The following AK9 variants were observed in gnomAD, a reference collection of about 807,000 sequenced individuals.
The protein encoded by AK9 is adenylate kinase domain containing 1.
Under a neutral mutation model 239.6 loss-of-function variants are expected in AK9, and 191 were observed. The observed-to-expected ratio is 0.80, with a 90% confidence interval of 0.71 to 0.90. The LOEUF (loss-of-function observed/expected upper bound fraction) is 0.90, where lower values mean the gene tolerates loss of function less well. AK9 is among the 40% of genes least tolerant of loss of function. The pLI, the probability that AK9 is intolerant of heterozygous loss-of-function variation, is 0.00. For synonymous variants in AK9, 689 were observed against 721.0 expected (o/e 0.96, Z 0.71); for missense variants, 1,995 against 2,214.7 (o/e 0.90, Z 1.99).
chr6:109,681,851 T>C (rs1772685055), intron 1 of AK9, among the ~76,000 whole-genome samples: 1 of 151,992 alleles, frequency 6.6e-6, no homozygotes, highest in Non-Finnish European at 1.5e-5. Context: ...GGGTAAATAA[T>C]GAAATTAAGG....
chr6:109,594,753 A>T (rs990403716), intron 17 of AK9, among the ~76,000 whole-genome samples: 1 of 152,324 alleles, frequency 6.6e-6, no homozygotes, highest in African/African-American at 2.4e-5. Flanking sequence ...AAAACAAGCA[A>T]TGGGGAAAGG....
chr6:109,567,525 T>C (rs1303749093), intron 21 of AK9, among the ~76,000 whole-genome samples: 1 of 152,082 alleles, frequency 6.6e-6, no homozygotes, highest in Non-Finnish European at 1.5e-5. Context: ...GTACCATTCC[T>C]TATGAAACTA....
At chr6:109,612,187 G>T (rs1385487533) in intron 15 of AK9, 94 bp from the exon 16 acceptor site, 1 of 727,936 alleles carries the variant, frequency 1.4e-6, no homozygotes, top group Non-Finnish European at 2.2e-6. Context: ...TAGGGAACCA[G>T]GACTCACATT....
chr6:109,566,925 A>C (rs1051672266), intron 21 of AK9, among the ~76,000 whole-genome samples: 2 of 152,220 alleles, frequency 1.3e-5, no homozygotes, highest in African/African-American at 4.8e-5. Flanking sequence ...GACACATTTA[A>C]AGCAGTGTGT....
At chr6:109,640,609 G>A (rs1797297377) in intron 10 of AK9, among the ~76,000 whole-genome samples, 1 of 151,536 alleles carries the variant, frequency 6.6e-6, no homozygotes. Context: ...TGTAGGGCCA[G>A]AGTCTCGCTA....
At chr6:109,592,490 A>T (rs931035558) in intron 17 of AK9, among the ~76,000 whole-genome samples, 6 of 131,064 alleles carry the variant, frequency 4.6e-5, no homozygotes, top group African/African-American at 1.7e-4. Flanking sequence ...TCTTTCACCC[A>T]GGCTGGACTG....
intron 5 of AK9, among the ~76,000 whole-genome samples, chr6:109,668,539 T>C (rs1801593620): frequency 6.6e-6 from 1 of 150,482 alleles, no homozygotes; most frequent in South Asian, 2.2e-4. Context: ...AGGTCTAACA[T>C]TTAAGTCTTT....
At chr6:109,612,928 T>C (rs941695359) in intron 15 of AK9, among the ~76,000 whole-genome samples, 5 of 149,346 alleles carry the variant, frequency 3.3e-5, no homozygotes, top group African/African-American at 4.9e-5. Context: ...AATTTATGTA[T>C]ATAAAGCTAT....
chr6:109,513,484 T>C (rs1038735051), intron 32 of AK9, among the ~76,000 whole-genome samples: 2 of 152,244 alleles, frequency 1.3e-5, no homozygotes, highest in Non-Finnish European at 2.9e-5. Flanking sequence ...TCTAAAACAA[T>C]TTGATTCTGG....
intron 25 of AK9, among the ~76,000 whole-genome samples, chr6:109,547,277 G>A (rs138550135): frequency 6.9e-4 from 105 of 152,286 alleles, no homozygotes; most frequent in African/African-American, 2.4e-3. Flanking sequence ...TTTTAAGAAG[G>A]CATTGATATT....
intron 12 of AK9, among the ~76,000 whole-genome samples, chr6:109,624,198 C>T (rs1482422964): frequency 6.6e-6 from 1 of 152,064 alleles, no homozygotes; most frequent in Non-Finnish European, 1.5e-5. Flanking sequence ...TGTTCTCCTA[C>T]CCCAAACTGG....
intron 17 of AK9, among the ~76,000 whole-genome samples, chr6:109,600,209 T>C (rs1583196137): frequency 6.6e-6 from 1 of 152,172 alleles, no homozygotes; most frequent in South Asian, 2.1e-4. Flanking sequence ...ATATTGGCTG[T>C]GGGTTTGTCA....
intron 17 of AK9, among the ~76,000 whole-genome samples, chr6:109,610,057 T>C (rs1793388700): frequency 6.6e-6 from 1 of 152,222 alleles, no homozygotes; most frequent in Admixed American, 6.5e-5. Flanking sequence ...TGGTACCTAG[T>C]ACCAATATGC....
chr6:109,578,195 A>G (rs910915127), intron 20 of AK9, among the ~76,000 whole-genome samples: 2 of 152,096 alleles, frequency 1.3e-5, no homozygotes, highest in South Asian at 2.1e-4. Flanking sequence ...TCAGCCTCCC[A>G]AAGTGCGGGA....
At chr6:109,537,857 T>A (rs990322433) in intron 27 of AK9, among the ~76,000 whole-genome samples, 5 of 152,224 alleles carry the variant, frequency 3.3e-5, no homozygotes, top group African/African-American at 1.2e-4. Context: ...TTCATTTTGT[T>A]ATGTACCCAG....
intron 1 of AK9, among the ~76,000 whole-genome samples, chr6:109,687,046 C>T (rs1408837389): frequency 6.6e-6 from 1 of 152,176 alleles, no homozygotes; most frequent in Non-Finnish European, 1.5e-5. Context: ...AAAATGAAAA[C>T]AAAATTCATG....
At chr6:109,559,072 G>A (rs1277295500) in intron 24 of AK9, among the ~76,000 whole-genome samples, 1 of 151,598 alleles carries the variant, frequency 6.6e-6, no homozygotes, top group Non-Finnish European at 1.5e-5. Flanking sequence ...AAGCTGCCTC[G>A]AACTCCTGAC....
At chr6:109,571,554 G>A (rs2128194162) in intron 21 of AK9, among the ~76,000 whole-genome samples, 1 of 152,170 alleles carries the variant, frequency 6.6e-6, no homozygotes, top group African/African-American at 2.4e-5. Flanking sequence ...ATTGCCTTTT[G>A]TTGTCAGATC....
rs1235471783 is a variant in AK9, at chr6:109,632,995, T to C, written c.1182A>G (p.Val394=). 6.2e-7 allele frequency: 1 copy of C among 1,610,504 alleles called. No individual in the cohort carries two copies. Among genetic ancestry groups the C allele is most frequent in the African/African-American group, 1.3e-5 (1 of 74,756 alleles). Residue 394 remains valine (V), a synonymous_variant, in exon 12 of 41, where the codon GTA becomes GTG. Transcript: ENST00000424296. ...LPPMPGPPCK[V]FILGPQYSGK... is the part of the protein sequence containing the mutation. ...CTGAATATTGAGGTCCAAGTATGAA[T>C]ACTTTACATGGTGGTCCTGGCATAG...
Sources: gnomAD v4.1 joint callset for allele counts (sites outside exome capture counted in the v4.1 genomes callset) on GRCh38, gnomAD v4.1.1 for gene constraint, MANE v1.5 for transcripts, NCBI Gene and HGNC (gene_info 2026-07-23, HGNC 2026-07-21) for gene names.